DTNA: variants seen among roughly 807,000 people sequenced by gnomAD.
DTNA encodes dystrobrevin alpha.
Under a neutral mutation model 100.7 loss-of-function variants are expected in DTNA, and 43 were observed. That is an observed-to-expected ratio of 0.43 (90% CI 0.33 to 0.55). The LOEUF is 0.55. Among genes scored for constraint, DTNA ranks in the 20% least tolerant of loss-of-function variants. DTNA has a pLI of 0.04. For synonymous variants in DTNA, 349 were observed against 347.9 expected (o/e 1.00, Z -0.04); for missense variants, 798 against 953.9 (o/e 0.84, Z 2.15).
At chr18:34,494,367 G>A (rs2038938884) in intron 1 of DTNA, among the ~76,000 whole-genome samples, 1 of 151,562 alleles carries the variant, frequency 6.6e-6, no homozygotes, top group South Asian at 2.1e-4. Flanking sequence ...CCGGGGACGG[G>A]GGGCGGCGGG....
At chr18:34,685,944 A>G (rs2078832733) in intron 1 of DTNA, among the ~76,000 whole-genome samples, 1 of 151,964 alleles carries the variant, frequency 6.6e-6, no homozygotes, top group South Asian at 2.1e-4. Context: ...CTGTTTGTCT[A>G]TTACTGGTGT....
chr18:34,775,133 C>CAA (rs113940793), intron 3 of DTNA, among the ~76,000 whole-genome samples: 2 of 152,210 alleles, frequency 1.3e-5, no homozygotes, highest in African/African-American at 4.8e-5. Context: ...ACAGTTGCAA[C>CAA]AAACCTTAAA....
chr18:34,538,115 C>T (rs12954211), intron 1 of DTNA, among the ~76,000 whole-genome samples: 9 of 151,926 alleles, frequency 5.9e-5, no homozygotes, highest in Admixed American at 2.0e-4. Context: ...AGCTACGCTC[C>T]GCAAAATGGT....
intron 1 of DTNA, among the ~76,000 whole-genome samples, chr18:34,726,809 G>GAA (rs2086804489): frequency 6.6e-6 from 1 of 152,202 alleles, no homozygotes; most frequent in Admixed American, 6.5e-5. Context: ...TTTCCCAACT[G>GAA]AAGGACAGCA....
chr18:34,757,486 T>G (rs73424217), intron 2 of DTNA, among the ~76,000 whole-genome samples: 1,937 of 152,298 alleles, frequency 0.013, 49 homozygotes, highest in African/African-American at 0.044. Context: ...AACTTATCAT[T>G]ATAACACTAA....
At chr18:34,834,418 G>A (rs567554029) in intron 11 of DTNA, among the ~76,000 whole-genome samples, 117 of 151,962 alleles carry the variant, frequency 7.7e-4, no homozygotes, top group African/African-American at 2.6e-3. Context: ...CAGAAGAATC[G>A]CTTGAACCCA....
chr18:34,536,263 T>C (rs1266569219), intron 1 of DTNA, among the ~76,000 whole-genome samples: 4 of 152,018 alleles, frequency 2.6e-5, no homozygotes, highest in South Asian at 2.1e-4. Context: ...AAATTTGTCT[T>C]TTTTGAGGCA....
rs146320818 is a variant in DTNA at position 34,584,739 on chromosome 18, G to A, written c.-2+91225G>A. On this transcript the variant is annotated intron_variant, in intron 1 of 19. Coordinates refer to the DTNA transcript ENST00000283365. ...TCAACTGGGGGAACTCATGCATATC[G>A]CACCAAATGTGCTGTTATGAGACAA... Among the ~76,000 whole-genome samples, 193 of 152,178 alleles carry A rather than the reference G, an allele frequency of 1.3e-3. 1 individual carries two copies. In the Middle Eastern group the frequency reaches 0.027, roughly 21 times the overall value.
intron 20 of DTNA, 55 bp from the exon 21 acceptor site, chr18:34,882,014 C>A: frequency 6.2e-7 from 1 of 1,613,038 alleles, no homozygotes; most frequent in Non-Finnish European, 8.5e-7. Flanking sequence ...ATGAATCCCG[C>A]TTGTAATTCT....
At chr18:34,686,481 A>G (rs2078916976) in intron 1 of DTNA, among the ~76,000 whole-genome samples, 1 of 152,172 alleles carries the variant, frequency 6.6e-6, no homozygotes, top group Non-Finnish European at 1.5e-5. Flanking sequence ...GCATCCCAGG[A>G]TGAAGCCGAC....
intron 1 of DTNA, among the ~76,000 whole-genome samples, chr18:34,723,355 T>C (rs1196740461): frequency 6.6e-6 from 1 of 152,190 alleles, no homozygotes; most frequent in Admixed American, 6.5e-5. Context: ...TTAACCACTG[T>C]TCAGTGGTGC....
intron 1 of DTNA, among the ~76,000 whole-genome samples, chr18:34,545,755 A>G (rs567773762): frequency 5.3e-5 from 8 of 152,244 alleles, no homozygotes; most frequent in Middle Eastern, 3.4e-3. Context: ...TATTTTTATT[A>G]TAAATGGCAA....
In DTNA at chr18:34,879,553, G is replaced by T; in HGVS notation, c.1996G>T (p.Val666Phe). The T allele has an allele frequency of 6.2e-7, 1 of 1,613,978 alleles. No individual in the cohort carries two copies. The highest frequency in any genetic ancestry group is 8.5e-7 in the Non-Finnish European group (1 of 1,179,948). The change falls in exon 20 of 23, where the codon GTT (valine) becomes TTT (phenylalanine). Residue 666 changes from valine (V) to phenylalanine (F), a missense_variant and splice_region_variant. Around this residue, in one of 6 missense-constraint regions of DTNA, gnomAD observed 242 missense variants for 238.2 expected, o/e 1.02. Transcript: ENST00000444659. Reference sequence around the variant, plus strand: ...ATTTCTTCAATTGTATCTGCTAGAGGTTGGGAGTGAAACAGAGAGTAATGT... The same window carrying T: ...ATTTCTTCAATTGTATCTGCTAGAGTTTGGGAGTGAAACAGAGAGTAATGT... ...SSLVKELNSE[V>F]GSETESNVDS...
At chr18:34,603,812 A>G (rs561407073) in intron 1 of DTNA, among the ~76,000 whole-genome samples, 2 of 152,350 alleles carry the variant, frequency 1.3e-5, no homozygotes, top group African/African-American at 4.8e-5. Context: ...GACCTTGTGA[A>G]GAGAAAGGTC....
rs2053233122 is a variant in DTNA at position 34,606,887 on chromosome 18, C to T, written c.-2+113373C>T. On this transcript the variant is annotated intron_variant, in intron 1 of 19. Transcript: ENST00000283365. ...GAATTTGGAGGGGTAAATAGATATC[C>T]AGACATGGAAGGGTTTTCATGTCAT... Among the ~76,000 whole-genome samples, 4 of 152,232 alleles carry T rather than the reference C, an allele frequency of 2.6e-5. No homozygotes were observed. In the South Asian group the frequency reaches 8.3e-4, roughly 32 times the overall value.
chr18:34,660,523 T>TCTG (rs2075036124), intron 1 of DTNA, among the ~76,000 whole-genome samples: 1 of 152,052 alleles, frequency 6.6e-6, no homozygotes. Flanking sequence ...GTGGGGAAAA[T>TCTG]CTGCATTCTG....
chr18:34,877,831 T>C, intron 19 of DTNA, 23 bp downstream of exon 19: 1 of 1,597,304 alleles, frequency 6.3e-7, no homozygotes, highest in East Asian at 2.2e-5. Flanking sequence ...TTCCCTCTCA[T>C]TTGTCTGCTC....
At chr18:34,568,876 A>C (rs903615447) in intron 1 of DTNA, among the ~76,000 whole-genome samples, 43 of 152,180 alleles carry the variant, frequency 2.8e-4, no homozygotes, top group African/African-American at 9.9e-4. Flanking sequence ...TTGGTCTCCC[A>C]AAGTGCTGGG....
At chr18:34,702,386 A>G (rs1456366139) in intron 1 of DTNA, among the ~76,000 whole-genome samples, 1 of 152,184 alleles carries the variant, frequency 6.6e-6, no homozygotes, top group Non-Finnish European at 1.5e-5. Context: ...GAGACGATAC[A>G]AGTCAGAAAT....
Sources: allele counts gnomAD v4.1 joint callset (sites outside exome capture counted in the v4.1 genomes callset), GRCh38; gene constraint gnomAD v4.1.1; regional missense constraint gnomAD v4.1.1; transcripts MANE v1.5; gene names NCBI Gene and HGNC (gene_info 2026-07-23, HGNC 2026-07-21).